The following ZNF770 variants were observed in gnomAD, a reference collection of about 807,000 sequenced individuals.
ZNF770 encodes the protein zinc finger protein 770.
A neutral mutation model predicts 44.8 loss-of-function variants in ZNF770; 13 were observed. The ratio of observed to expected loss-of-function variants is 0.29; its 90% CI spans 0.19 to 0.46. ZNF770 has a LOEUF of 0.46. Among genes scored for constraint, ZNF770 ranks in the 20% least tolerant of loss-of-function variants. The pLI is 1.00. For missense variants in ZNF770, 681 were observed against 797.9 expected, an observed-to-expected ratio of 0.85 and a Z score of 1.77; for synonymous variants, 304 against 271.8, an observed-to-expected ratio of 1.12 and a Z score of -1.17.
At position 34,982,134 on chromosome 15, in the gene ZNF770, G is replaced by T; in HGVS notation, c.1301C>A (p.Ser434Ter). The change falls in exon 3 of 3, where the codon TCA becomes TAA. Residue 434 changes from serine (S) to a stop codon, truncating the protein, a stop_gained. Transcript: ENST00000356321. LOFTEE classifies it high-confidence loss of function. ...GATTGACAAGTCTTTCTTATTCACT[G>T]AATTATCAATGCTTAATATGTTTTC... ...TTENILSIDN[S>*]VNKKDLSICG... 6.2e-7 allele frequency: 1 copy of T among 1,613,950 alleles called. No individual in the cohort carries two copies. Among genetic ancestry groups the T allele is most frequent in the Non-Finnish European group, 8.5e-7 (1 of 1,179,988 alleles).
At chr15:34,987,241 G>A (rs1042826179) in intron 2 of ZNF770, among the ~76,000 whole-genome samples, 1 of 152,206 alleles carries the variant, frequency 6.6e-6, no homozygotes. Flanking sequence ...TTGGATAACT[G>A]TTGTCACTTG....
At position 34,983,340 on chromosome 15, in the gene ZNF770, C is replaced by T; in HGVS notation, c.95G>A (p.Cys32Tyr). 1.2e-6 allele frequency: 2 copies of T among 1,612,342 alleles called. No homozygotes were observed. Among genetic ancestry groups the T allele is most frequent in the Non-Finnish European group, 1.7e-6 (2 of 1,178,844 alleles). The change falls in exon 3 of 3, where the codon TGT becomes TAT. Residue 32 changes from cysteine to tyrosine, a missense_variant. Around this residue, in one of 5 missense-constraint regions of ZNF770, gnomAD observed 65 missense variants for 115.0 expected, o/e 0.57. Transcript: ENST00000356321. ...PRNRPYVCNICFKHFETPSKL... is the reference protein window; with the variant it reads ...PRNRPYVCNIYFKHFETPSKL... Reference sequence around the variant, plus strand: ...TGATGGTGTTTCAAAGTGCTTAAAACAAATATTGCAAACATATGGCCTGTT... The same window carrying T: ...TGATGGTGTTTCAAAGTGCTTAAAATAAATATTGCAAACATATGGCCTGTT...
chr15:34,987,152 GATTAAA>G (rs1411008434), intron 2 of ZNF770, among the ~76,000 whole-genome samples: 1 of 152,226 alleles, frequency 6.6e-6, no homozygotes, highest in Non-Finnish European at 1.5e-5. Context: ...AACTACCTCT[GATTAAA>G]ACAGGGATTG....
intron 2 of ZNF770, among the ~76,000 whole-genome samples, chr15:34,985,042 G>A (rs1255820199): frequency 1.3e-5 from 2 of 150,526 alleles, no homozygotes; most frequent in African/African-American, 2.4e-5. Flanking sequence ...GCTGCAGCAC[G>A]ATAATTGCTT....
chr15:34,985,613 A>G (rs1420212507), intron 2 of ZNF770, among the ~76,000 whole-genome samples: 1 of 152,170 alleles, frequency 6.6e-6, no homozygotes, highest in Non-Finnish European at 1.5e-5. Flanking sequence ...ATAAGAGCGG[A>G]GGCTGGCATA....
rs2050413960 is a variant in ZNF770 at position 34,983,125 on chromosome 15, T to C, written c.310A>G (p.Asn104Asp). The C allele has an allele frequency of 6.2e-7, 1 of 1,614,114 alleles. No individual in the cohort carries two copies. The highest frequency in any genetic ancestry group is 2.2e-5 in the East Asian group (1 of 44,876). Residue 104 changes from asparagine to aspartate, a missense_variant, in exon 3 of 3, where the codon AAT becomes GAT. Transcript: ENST00000356321. ...TTAACATTATTCTGATAGGTTTCAT[T>C]GTGAAGTTGTTGGTGCTTCACAAAT... is the stretch of plus-strand genomic sequence containing the variant. ...KTFVKHQQLH[N>D]ETYQNNVKQV...
rs1230662825 is a variant in ZNF770, at chr15:34,978,934, CTG to C, written c.*2423_*2424del. 2.0e-5 allele frequency: 3 copies of C among 152,222 alleles called. No homozygotes were observed. The highest frequency in any genetic ancestry group is 7.2e-5 in the African/African-American group (3 of 41,438). The allele number at this position is 152,222 out of a possible 1,614,324, so 9.4% of individuals were successfully genotyped here. A position where few individuals can be genotyped will look rare whatever the true frequency, so the allele number is the denominator to read the frequency against. ...TGCAATGTAAATGCTATTTAAATAACTGTTATACTGTATTTTTATTTGTATTA... is the reference window on the plus strand; with the variant it reads ...TGCAATGTAAATGCTATTTAAATAACTTATACTGTATTTTTATTTGTATTA... On this transcript the variant is annotated 3_prime_UTR_variant, in exon 3 of 3. Coordinates refer to ENST00000356321, the MANE Select transcript of ZNF770 (RefSeq NM_014106.4).
intron 2 of ZNF770, among the ~76,000 whole-genome samples, chr15:34,984,241 A>G (rs752464708): frequency 6.6e-6 from 1 of 152,264 alleles, no homozygotes; most frequent in Non-Finnish European, 1.5e-5. Context: ...GAAGCAATAC[A>G]TAAATCTAAG....
intron 2 of ZNF770, among the ~76,000 whole-genome samples, chr15:34,985,130 T>C (rs940463705): frequency 9.4e-5 from 10 of 106,604 alleles, no homozygotes; most frequent in Admixed American, 2.8e-4. Flanking sequence ...CGAGAGACTG[T>C]CTCAAAAAAA....
rs2050382942 is a variant in ZNF770 at position 34,978,796 on chromosome 15, A to C, written c.*2563T>G. 1 of 152,150 alleles carries C rather than the reference A, an allele frequency of 6.6e-6. No individual in the cohort carries two copies. The highest frequency in any genetic ancestry group is 2.1e-4 in the South Asian group (1 of 4,834). The allele number at this position is 152,150 out of a possible 1,614,324, so 9.4% of individuals were successfully genotyped here. On this transcript the variant is annotated 3_prime_UTR_variant, in exon 3 of 3. Coordinates refer to ENST00000356321, the MANE Select transcript of ZNF770 (RefSeq NM_014106.4). ...GTATTGGTTCCTGGACCGTCCCCCCAACCCACAGATACCAAAAATCCAAGT... is the reference window on the plus strand; with the variant it reads ...GTATTGGTTCCTGGACCGTCCCCCCCACCCACAGATACCAAAAATCCAAGT...
chr15:34,986,679 G>A (rs776154951), intron 2 of ZNF770, among the ~76,000 whole-genome samples: 1 of 152,178 alleles, frequency 6.6e-6, no homozygotes, highest in Non-Finnish European at 1.5e-5. Flanking sequence ...GTGCATATGA[G>A]GTAATCCTCT....
Position 34,981,458 on chromosome 15 carries a change from G to A in ZNF770, c.1977C>T (p.Gly659=). ...AGTGAGGAGCCTGTCTGAATGTTTT[G>A]CCACAAACTGAGCATTCAAATGGTT... is the stretch of plus-strand genomic sequence containing the variant. ...GQKPFECSVC[G]KTFRQAPHWK... is the part of the protein sequence containing the mutation. Residue 659 remains glycine (G), a synonymous_variant, in exon 3 of 3, where the codon GGC becomes GGT. Transcript: ENST00000356321. 1 of 1,614,128 alleles carries A rather than the reference G, an allele frequency of 6.2e-7. No individual in the cohort carries two copies. The highest frequency in any genetic ancestry group is 8.5e-7 in the Non-Finnish European group (1 of 1,180,018).
intron 2 of ZNF770, among the ~76,000 whole-genome samples, chr15:34,987,158 A>C (rs2050440165): frequency 6.6e-6 from 1 of 152,262 alleles, no homozygotes; most frequent in Non-Finnish European, 1.5e-5. Context: ...CTCTGATTAA[A>C]ACAGGGATTG....
In ZNF770 at chr15:34,979,400, G is replaced by C. The variant is rs2050386351; in HGVS notation, c.*1959C>G. 3 of 181,008 alleles carry C rather than the reference G, an allele frequency of 1.7e-5. No individual in the cohort carries two copies. The South Asian group carries it at 2.5e-4, about 15-fold the overall frequency. The allele number at this position is 181,008 out of a possible 1,614,324, so 11.2% of individuals were successfully genotyped here. ...CAGATGAGTTCTTGACAAGTTTTGT[G>C]TAAAGCAAATTCTGTAAACCATTAT... On this transcript the variant is annotated 3_prime_UTR_variant, in exon 3 of 3. Coordinates refer to ENST00000356321, the MANE Select transcript of ZNF770 (RefSeq NM_014106.4).
rs1311789579 is a variant in ZNF770 at position 34,987,678 on chromosome 15, G to A, written c.-173-5C>T. 1 of 152,222 alleles carries A rather than the reference G, an allele frequency of 6.6e-6. No homozygotes were observed. The highest frequency in any genetic ancestry group is 1.5e-5 in the Non-Finnish European group (1 of 68,054). The allele number at this position is 152,222 out of a possible 1,614,324, so 9.4% of individuals were successfully genotyped here. ...AGCGAACAAGAAATGAAAGACCTAAGAGAAACACACACAACTTTCAGTTGG... is the reference window on the plus strand; with the variant it reads ...AGCGAACAAGAAATGAAAGACCTAAAAGAAACACACACAACTTTCAGTTGG... On this transcript the variant is annotated splice_region_variant and splice_polypyrimidine_tract_variant and intron_variant, in intron 1 of 2. Transcript: ENST00000356321.
At position 34,978,799 on chromosome 15, in the gene ZNF770, C is replaced by A. The variant is rs996225407; in HGVS notation, c.*2560G>T. 2 of 152,052 alleles carry A rather than the reference C, an allele frequency of 1.3e-5. No homozygotes were observed. Among genetic ancestry groups the A allele is most frequent in the African/African-American group, 4.8e-5 (2 of 41,388 alleles). The allele number at this position is 152,052 out of a possible 1,614,324, so 9.4% of individuals were successfully genotyped here. On this transcript the variant is annotated 3_prime_UTR_variant, in exon 3 of 3. Transcript: ENST00000356321. ...TTGGTTCCTGGACCGTCCCCCCAAC[C>A]CACAGATACCAAAAATCCAAGTATA... is the stretch of plus-strand genomic sequence containing the variant.
At position 34,982,056 on chromosome 15, in the gene ZNF770, C is replaced by A. The variant is rs773455452; in HGVS notation, c.1379G>T (p.Gly460Val). 3.2e-5 allele frequency: 51 copies of A among 1,613,694 alleles called. No individual in the cohort carries two copies. The highest frequency in any genetic ancestry group is 4.2e-5 in the Non-Finnish European group (50 of 1,179,986). ...FFNNCEVLQC[G>V]FSVPRENIRT... is the part of the protein sequence containing the mutation. ...TATGTTTTCCCTTGGAACTGAAAAA[C>A]CACACTGAAGTACCTCACAGTTATT... Residue 460 changes from glycine to valine, a missense_variant, in exon 3 of 3, where the codon GGT (glycine) becomes GTT (valine). This residue lies in a region of ZNF770 where 432 missense variants were observed against 434.1 expected (regional missense o/e 1.00). Transcript: ENST00000356321.
Position 34,982,251 on chromosome 15 carries a change from T to C in ZNF770, c.1184A>G (p.Tyr395Cys), listed in dbSNP as rs772659878. ...FVGSLGKHGT[Y>C]KTIGNRKKKT... ...CTTCTTTCTATTGCCAATTGTTTTA[T>C]ATGTTCCATGTTTGCCAAGAGAACC... The change falls in exon 3 of 3, where the codon TAT becomes TGT. Residue 395 changes from tyrosine to cysteine, a missense_variant. Tyr to Cys is a radical substitution (Grantham distance 194). Around this residue, in one of 5 missense-constraint regions of ZNF770, gnomAD observed 432 missense variants for 434.1 expected, o/e 1.00. Transcript: ENST00000356321. 1 of 1,613,906 alleles carries C rather than the reference T, an allele frequency of 6.2e-7. No homozygotes were observed. The highest frequency in any genetic ancestry group is 2.2e-5 in the East Asian group (1 of 44,878).
Position 34,981,407 on chromosome 15 carries a change from A to T in ZNF770, c.2028T>A (p.Phe676Leu). ...CCACTTTCCCTTGTGGTCGTTCTTT[A>T]AAGTGAGTAAGCTGATGTCTCTTCC... ...PHWKRHQLTH[F>L]KERPQGKVVA... The change falls in exon 3 of 3, where the codon TTT (phenylalanine) becomes TTA (leucine). Residue 676 changes from phenylalanine (F) to leucine (L), a missense_variant. Physicochemically the swap from Phe to Leu is conservative, Grantham distance 22. Transcript: ENST00000356321. 1 of 1,613,722 alleles carries T rather than the reference A, an allele frequency of 6.2e-7. No individual in the cohort carries two copies. The highest frequency in any genetic ancestry group is 8.5e-7 in the Non-Finnish European group (1 of 1,180,024).
Sources: gnomAD v4.1 joint callset for allele counts (sites outside exome capture counted in the v4.1 genomes callset) on GRCh38, gnomAD v4.1.1 for gene constraint, gnomAD v4.1.1 regional missense constraint, MANE v1.5 for transcripts, NCBI Gene and HGNC (gene_info 2026-07-23, HGNC 2026-07-21) for gene names.